Variants in TBX3 observed in about 807,000 individuals in gnomAD.
TBX3 encodes the protein T-box transcription factor TBX3.
Under a neutral mutation model 47.8 loss-of-function variants are expected in TBX3, and 11 were observed. The ratio of observed to expected loss-of-function variants is 0.23; its 90% confidence interval spans 0.14 to 0.38. The LOEUF is 0.38. Among genes scored for constraint, TBX3 ranks in the 10% least tolerant of loss-of-function variants. The pLI is 1.00. For synonymous variants in TBX3, 500 were observed against 449.3 expected (o/e 1.11, Z -1.43); for missense variants, 927 against 1,022.8 (o/e 0.91, Z 1.28).
At position 114,672,144 on chromosome 12, in the gene TBX3, G is replaced by C; in HGVS notation, c.1869C>G (p.Tyr623Ter). ...CGTCCGGGACCGGCACCGGGATGGAGTAGGGGCTGTAGCGCAGCCGCGGGC... is the reference window on the plus strand; with the variant it reads ...CGTCCGGGACCGGCACCGGGATGGACTAGGGGCTGTAGCGCAGCCGCGGGC... Reference protein sequence around the residue: ...TMRPRLRYSPYSIPVPVPDGS... With the variant: ...TMRPRLRYSP Residue 623 changes from tyrosine (Y) to a stop codon, truncating the protein, a stop_gained, in exon 7 of 7, where the codon TAC becomes TAG. Coordinates refer to ENST00000349155, the MANE Select transcript of TBX3 (RefSeq NM_005996.4). LOFTEE classifies it high-confidence loss of function. 6.4e-7 allele frequency: 1 copy of C among 1,572,388 alleles called. No homozygotes were observed. The highest frequency in any genetic ancestry group is 8.6e-7 in the Non-Finnish European group (1 of 1,159,430).
At chr12:114,673,189 G>A (rs144045541) in intron 6 of TBX3, among the ~76,000 whole-genome samples, 1 of 152,288 alleles carries the variant, frequency 6.6e-6, no homozygotes, top group African/African-American at 2.4e-5. Context: ...CAGAGGAGAT[G>A]GGAGGAATTG....
intron 3 of TBX3, among the ~76,000 whole-genome samples, chr12:114,678,549 A>G (rs1421007367): frequency 6.6e-6 from 1 of 152,228 alleles, no homozygotes; most frequent in African/African-American, 2.4e-5. Flanking sequence ...TTTGGTATTC[A>G]CACTAAAGAA....
At chr12:114,682,589 G>A (rs1220103604) in intron 1 of TBX3, among the ~76,000 whole-genome samples, 43 of 151,946 alleles carry the variant, frequency 2.8e-4, no homozygotes, top group Admixed American at 2.8e-3. Flanking sequence ...TGTTCGGGAG[G>A]GAACCCAGGA....
intron 5 of TBX3, among the ~76,000 whole-genome samples, chr12:114,675,093 T>G (rs767376184): frequency 2.6e-5 from 4 of 152,226 alleles, no homozygotes; most frequent in Non-Finnish European, 4.4e-5. Context: ...TTCCCTTAGA[T>G]GGACAATCCC....
chr12:114,678,433 A>C (rs1207960414), intron 3 of TBX3, among the ~76,000 whole-genome samples: 1 of 152,188 alleles, frequency 6.6e-6, no homozygotes, highest in African/African-American at 2.4e-5. Context: ...AGTTATATAC[A>C]CAGAGTTACT....
At chr12:114,681,282 A>T in intron 1 of TBX3, 136 bp from the exon 2 acceptor site, 1 of 1,271,708 alleles carries the variant, frequency 7.9e-7, no homozygotes, top group Non-Finnish European at 1.1e-6. Context: ...CATGTTTCAG[A>T]GTGAGGCAAC....
intron 3 of TBX3, 27 bp downstream of exon 3, chr12:114,679,478 T>C (rs763893334): frequency 1.5e-5 from 25 of 1,614,108 alleles, no homozygotes; most frequent in Non-Finnish European, 1.9e-5. Context: ...AATATCACCA[T>C]TAAAAAGGAA....
chr12:114,675,601 T>C (rs1284336622), intron 5 of TBX3, among the ~76,000 whole-genome samples: 2 of 152,160 alleles, frequency 1.3e-5, no homozygotes, highest in Non-Finnish European at 2.9e-5. Context: ...TTGCATTTTA[T>C]TTCACTAAAA....
Position 114,679,721 on chromosome 12 carries a change from C to T in TBX3, c.658-70G>A. ...GCAGAACAAACGGGATCTTAGGACC[C>T]CTGCCAGGCTGAAATCTTCCCCACC... On this transcript the variant is annotated intron_variant, in intron 2 of 6. Transcript: ENST00000349155. 1.9e-6 allele frequency: 3 copies of T among 1,608,228 alleles called. No homozygotes were observed. In the East Asian group the frequency reaches 6.7e-5, roughly 36 times the overall value.
At position 114,674,173 on chromosome 12, in the gene TBX3, C is replaced by T. The variant is rs1326245416; in HGVS notation, c.1702G>A (p.Ala568Thr). Reference sequence around the variant, plus strand: ...GGAAGAAGGATCCATACCTGAGAGGCCAGGACGTGCTGCTGGAGGTGGAAG... The same window carrying T: ...GGAAGAAGGATCCATACCTGAGAGGTCAGGACGTGCTGCTGGAGGTGGAAG... The part of the protein sequence containing the change: ...LPFHLQQHVL[A>T]SQGLAMSPFG... Residue 568 changes from alanine to threonine, a missense_variant, in exon 6 of 7, where the codon GCC becomes ACC. Coordinates refer to ENST00000349155, the MANE Select transcript of TBX3 (RefSeq NM_005996.4). 2 of 1,582,814 alleles carry T rather than the reference C, an allele frequency of 1.3e-6. No homozygotes were observed. The highest frequency in any genetic ancestry group is 8.6e-7 in the Non-Finnish European group (1 of 1,166,576).
intron 1 of TBX3, among the ~76,000 whole-genome samples, chr12:114,682,253 A>G (rs1868963621): frequency 6.6e-6 from 1 of 152,200 alleles, no homozygotes; most frequent in African/African-American, 2.4e-5. Flanking sequence ...GGTTACAGAC[A>G]CGTGAAGTAG....
At position 114,674,234 on chromosome 12, in the gene TBX3, C is replaced by T. The variant is rs530639044; in HGVS notation, c.1641G>A (p.Ala547=). The T allele has an allele frequency of 1.9e-6, 3 of 1,575,464 alleles. No homozygotes were observed. Among genetic ancestry groups the T allele is most frequent in the Admixed American group, 1.9e-5 (1 of 52,982 alleles). Residue 547 remains alanine (A), a synonymous_variant, in exon 6 of 7, where the codon GCG becomes GCA. Coordinates refer to ENST00000349155, the MANE Select transcript of TBX3 (RefSeq NM_005996.4). The part of the protein sequence containing the change: ...DSTAMASAAA[A]QGLSGASAAT... ...CCGCGGACGCCCCGGACAGTCCCTG[C>T]GCCGCAGCGGCAGAGGCCATGGCCG... is the stretch of plus-strand genomic sequence containing the variant.
Position 114,683,250 on chromosome 12 carries a change from CTG to C in TBX3, c.-52_-51del. 1 of 1,598,200 alleles carries C rather than the reference CTG, an allele frequency of 6.3e-7. No homozygotes were observed. Among genetic ancestry groups the C allele is most frequent in the Admixed American group, 1.7e-5 (1 of 58,888 alleles). ...CCAGCCGGGGACAAGTCCGCAGCTGCTGTGTTTTGTTGTTTTTTTGTTGTTGT... is the reference window on the plus strand; with the variant it reads ...CCAGCCGGGGACAAGTCCGCAGCTGCTGTTTTGTTGTTTTTTTGTTGTTGT... On this transcript the variant is annotated 5_prime_UTR_variant, in exon 1 of 7. Transcript: ENST00000349155. This position sits in a 1 kb window ranked among gnomAD's most constrained non-coding sequence, Gnocchi z 7.7.
rs1354315259 is a variant in TBX3, at chr12:114,683,126, C to T, written c.75G>A (p.Ala25=). The part of the protein sequence containing the change: ...MAYHPFLPHR[A]PDFAMSAVLG... Reference sequence around the variant, plus strand: ...GCACCGCGCTCATGGCGAAGTCCGGCGCCCGGTGAGGTAGGAACGGATGGT... The same window carrying T: ...GCACCGCGCTCATGGCGAAGTCCGGTGCCCGGTGAGGTAGGAACGGATGGT... Residue 25 remains alanine, a synonymous_variant, in exon 1 of 7, where the codon GCG becomes GCA. Transcript: ENST00000349155. The surrounding 1 kb of genome is among the most constrained non-coding windows in gnomAD (Gnocchi z 7.7). The T allele has an allele frequency of 5.0e-6, 8 of 1,612,628 alleles. No homozygotes were observed. The highest frequency in any genetic ancestry group is 5.9e-6 in the Non-Finnish European group (7 of 1,179,622).
chr12:114,671,726 C>G lies in TBX3; in HGVS notation c.*115G>C. 1 of 1,385,170 alleles carries G rather than the reference C, an allele frequency of 7.2e-7. No individual in the cohort carries two copies. Among genetic ancestry groups the G allele is most frequent in the Non-Finnish European group, 1.0e-6 (1 of 1,002,028 alleles). 85.8% of individuals were successfully genotyped at this position (1,385,170 alleles called of 1,614,324 possible). A position where few individuals can be genotyped will look rare whatever the true frequency, so the allele number is the denominator to read the frequency against. On this transcript the variant is annotated 3_prime_UTR_variant, in exon 7 of 7. Transcript: ENST00000349155. ...AGGGAGTCCGGGGCCCCTTCCCAGA[C>G]GCAACTGCAAAAGGAAGGGCTAACG...
At chr12:114,677,498 A>T in intron 4 of TBX3, 82 bp downstream of exon 4, 155 of 1,158,020 alleles carry the variant, frequency 1.3e-4, no homozygotes, top group Non-Finnish European at 1.9e-4. Context: ...AAGTGCCTGC[A>T]TCTCACTTCT....
At chr12:114,676,178 G>C (rs1868698616) in intron 5 of TBX3, 135 bp downstream of exon 5, 2 of 1,148,736 alleles carry the variant, frequency 1.7e-6, no homozygotes, top group East Asian at 2.5e-5. Context: ...TTTGAACTCT[G>C]GCTTCTGTTT....
At chr12:114,677,436 G>A (rs1023443684) in intron 4 of TBX3, 144 bp downstream of exon 4, 9 of 774,724 alleles carry the variant, frequency 1.2e-5, no homozygotes, top group African/African-American at 3.5e-5. Flanking sequence ...TACTGATAGC[G>A]GCAAGCATGT....
At chr12:114,676,858 G>A (rs1868731933) in intron 4 of TBX3, among the ~76,000 whole-genome samples, 1 of 152,224 alleles carries the variant, frequency 6.6e-6, no homozygotes, top group Non-Finnish European at 1.5e-5. Flanking sequence ...GTCCAATCCT[G>A]CAAACACAAC....
Sources: gnomAD v4.1 joint callset for allele counts (sites outside exome capture counted in the v4.1 genomes callset) on GRCh38, gnomAD v4.1.1 for gene constraint, Gnocchi (gnomAD v3.1) non-coding constraint, MANE v1.5 for transcripts, NCBI Gene and HGNC (gene_info 2026-07-23, HGNC 2026-07-21) for gene names.